Variants in TAFA5 observed in about 807,000 individuals in gnomAD.
TAFA5 encodes the protein TAFA chemokine like family member 5.
In TAFA5, 6 loss-of-function variants were observed where a neutral mutation model predicts 15.3. That is an observed-to-expected ratio of 0.39 (90% CI 0.21 to 0.77). The LOEUF (loss-of-function observed/expected upper bound fraction) is 0.77, where lower values mean the gene tolerates loss of function less well. TAFA5 is among the 30% of genes least tolerant of loss of function. The pLI, the probability that TAFA5 is intolerant of heterozygous loss-of-function variation, is 0.41. For missense variants in TAFA5, 161 were observed against 193.1 expected (o/e 0.83, Z 0.98); for synonymous variants, 103 against 80.7 (o/e 1.28, Z -1.48).
chr22:48,686,626 G>A (rs1928361795), intron 2 of TAFA5, among the ~76,000 whole-genome samples: 2 of 152,380 alleles, frequency 1.3e-5, no homozygotes, highest in Admixed American at 1.3e-4. Flanking sequence ...ATGGGAGAAA[G>A]AATGGATGGA....
At chr22:48,621,299 C>T (rs1359198518) in intron 1 of TAFA5, among the ~76,000 whole-genome samples, 1 of 148,666 alleles carries the variant, frequency 6.7e-6, no homozygotes, top group Non-Finnish European at 1.5e-5. Context: ...TCCATTTATC[C>T]ATCCTTCCAT....
chr22:48,489,684 G>A lies in TAFA5; in HGVS notation c.92G>A (p.Ser31Asn). The change falls in exon 1 of 4, where the codon AGC becomes AAC. Residue 31 changes from serine (S) to asparagine (N), a missense_variant. By Grantham distance (46) the Ser-to-Asn change is conservative. Transcript: ENST00000402357. The surrounding 1 kb of genome is among the most constrained non-coding windows in gnomAD (Gnocchi z 5.5). ...TTCTGGGCGTTCATGATCCTGGCCA[G>A]CCTGCTCATCGCCTACTGCAGTGAG... ...STFWAFMILA[S>N]LLIAYCSQLA... 6.6e-7 allele frequency: 1 copy of A among 1,518,804 alleles called. No individual in the cohort carries two copies. Among genetic ancestry groups the A allele is most frequent in the Non-Finnish European group, 8.8e-7 (1 of 1,132,238 alleles). The allele number at this position is 1,518,804 out of a possible 1,614,324, so 94.1% of individuals were successfully genotyped here.
intron 2 of TAFA5, among the ~76,000 whole-genome samples, chr22:48,684,762 T>C (rs947479620): frequency 6.6e-6 from 1 of 152,128 alleles, no homozygotes; most frequent in Non-Finnish European, 1.5e-5. Flanking sequence ...CTCCAATTCC[T>C]TGGAAATACA....
intron 1 of TAFA5, among the ~76,000 whole-genome samples, chr22:48,491,005 T>C (rs1260683865): frequency 6.6e-6 from 1 of 152,126 alleles, no homozygotes; most frequent in Admixed American, 6.5e-5. Flanking sequence ...AGCAGGAATT[T>C]TCCTACTTGC....
At chr22:48,576,703 G>A (rs1446140660) in intron 1 of TAFA5, 4 of 1,092,262 alleles carry the variant, frequency 3.7e-6, no homozygotes, top group Admixed American at 9.3e-5. Flanking sequence ...CGCCACTGCG[G>A]GCCCGGAGCG....
intron 1 of TAFA5, among the ~76,000 whole-genome samples, chr22:48,605,452 AAT>A (rs1925157555): frequency 2.5e-5 from 1 of 40,396 alleles, no homozygotes; most frequent in African/African-American, 9.7e-5. Context: ...TGGTGATGGC[AAT>A]GGTGATGGTA....
Position 48,749,907 on chromosome 22 carries a change from C to A in TAFA5, c.*60C>A. 6.8e-7 allele frequency: 1 copy of A among 1,478,208 alleles called. No homozygotes were observed. The highest frequency in any genetic ancestry group is 9.2e-7 in the Non-Finnish European group (1 of 1,081,966). 91.6% of individuals were successfully genotyped at this position (1,478,208 alleles called of 1,614,324 possible). ...TTGGCTCCCTGGAGAGCCCACGTCT[C>A]AGCCACAGTTCTCCACTCGCCTCGG... On this transcript the variant is annotated 3_prime_UTR_variant, in exon 4 of 4. Coordinates refer to ENST00000402357, the MANE Select transcript of TAFA5 (RefSeq NM_001082967.3).
At chr22:48,639,552 G>A (rs567724041) in intron 1 of TAFA5, among the ~76,000 whole-genome samples, 5 of 152,148 alleles carry the variant, frequency 3.3e-5, no homozygotes, top group South Asian at 2.1e-4. Flanking sequence ...CCTGTTTCCC[G>A]CCAGGGAGGC....
intron 1 of TAFA5, among the ~76,000 whole-genome samples, chr22:48,603,655 A>T (rs759428171): frequency 3.3e-5 from 5 of 152,162 alleles, no homozygotes; most frequent in Non-Finnish European, 5.9e-5. Flanking sequence ...AGGCACGCAG[A>T]TCTTCCCCAA....
intron 1 of TAFA5, among the ~76,000 whole-genome samples, chr22:48,595,702 A>C (rs964676765): frequency 1.3e-5 from 2 of 152,278 alleles, no homozygotes; most frequent in African/African-American, 4.8e-5. Flanking sequence ...ACTGGCTCCC[A>C]GCAGCCCTGG....
chr22:48,683,130 C>T (rs1928247014), intron 2 of TAFA5, among the ~76,000 whole-genome samples: 2 of 152,140 alleles, frequency 1.3e-5, no homozygotes, highest in Admixed American at 1.3e-4. Flanking sequence ...ATACCAGCTA[C>T]AGGGTCACAG....
At position 48,650,475 on chromosome 22, in the gene TAFA5, C is replaced by T. The variant is rs558662623; in HGVS notation, c.262+3729C>T. Among the ~76,000 whole-genome samples, 16 of 152,258 alleles carry T rather than the reference C, an allele frequency of 1.1e-4. No homozygotes were observed. The East Asian group carries it at 1.9e-3, about 18-fold the overall frequency. On this transcript the variant is annotated intron_variant, in intron 2 of 3. Coordinates refer to ENST00000402357, the MANE Select transcript of TAFA5 (RefSeq NM_001082967.3). ...GCCCCAGAGTGCCATCACTTTTTCC[C>T]GCTGGGACCTCAGCAAGGATGCATC...
At chr22:48,602,605 C>T (rs1925014669) in intron 1 of TAFA5, among the ~76,000 whole-genome samples, 1 of 152,144 alleles carries the variant, frequency 6.6e-6, no homozygotes. Context: ...CGACGTGGGC[C>T]CTGTGTCTTT....
chr22:48,670,491 A>T (rs1438438609), intron 2 of TAFA5, among the ~76,000 whole-genome samples: 1 of 152,148 alleles, frequency 6.6e-6, no homozygotes, highest in Non-Finnish European at 1.5e-5. Context: ...GTCAGCTCAG[A>T]CTCAGGAGAG....
chr22:48,517,077 A>G (rs1429196122), intron 1 of TAFA5, among the ~76,000 whole-genome samples: 4 of 152,104 alleles, frequency 2.6e-5, no homozygotes, highest in Non-Finnish European at 2.9e-5. Context: ...TCACCCCACA[A>G]AAAGCCCCGT....
chr22:48,649,844 C>T (rs937346871), intron 2 of TAFA5, among the ~76,000 whole-genome samples: 4 of 152,142 alleles, frequency 2.6e-5, no homozygotes, highest in African/African-American at 9.7e-5. Context: ...TACTTCCGCC[C>T]GCCTATCGGC....
chr22:48,651,726 TGAA>T (rs554347016), intron 2 of TAFA5, among the ~76,000 whole-genome samples: 30 of 152,026 alleles, frequency 2.0e-4, no homozygotes, highest in Non-Finnish European at 3.2e-4. Flanking sequence ...AGTCCAGGTG[TGAA>T]GAAGAAGGGG....
chr22:48,712,521 G>C (rs1424300875), intron 3 of TAFA5, among the ~76,000 whole-genome samples: 1 of 152,244 alleles, frequency 6.6e-6, no homozygotes, highest in Non-Finnish European at 1.5e-5. Context: ...ACGCGCCTGG[G>C]CACACAGGCT....
rs1928131378 is a variant in TAFA5 at position 48,490,940 on chromosome 22, C to T, written c.112+1236C>T. Among the ~76,000 whole-genome samples the T allele has an allele frequency of 6.6e-6, 1 of 152,180 alleles. No homozygotes were observed. Among genetic ancestry groups the T allele is most frequent in the Non-Finnish European group, 1.5e-5 (1 of 68,032 alleles). Reference sequence around the variant, plus strand: ...CCCGGGCAGCCGCGGGATCGGCCTCCGGAGTCCTGGGACAGCCCAGCTCGC... The same window carrying T: ...CCCGGGCAGCCGCGGGATCGGCCTCTGGAGTCCTGGGACAGCCCAGCTCGC... On this transcript the variant is annotated intron_variant, in intron 1 of 3. Coordinates refer to ENST00000402357, the MANE Select transcript of TAFA5 (RefSeq NM_001082967.3). The surrounding 1 kb of genome is among the most constrained non-coding windows in gnomAD (Gnocchi z 5.8).
Sources: allele counts gnomAD v4.1 joint callset (sites outside exome capture counted in the v4.1 genomes callset), GRCh38; gene constraint gnomAD v4.1.1; non-coding constraint Gnocchi (gnomAD v3.1); transcripts MANE v1.5; gene names NCBI Gene and HGNC (gene_info 2026-07-23, HGNC 2026-07-21).